Variants in ADPRHL1 observed in about 807,000 individuals in gnomAD.
ADPRHL1 encodes inactive ADP-ribosyltransferase ARH2.
Under a neutral mutation model 44.1 loss-of-function variants are expected in ADPRHL1, and 43 were observed. That is an observed-to-expected ratio of 0.98 (90% CI 0.76 to 1.26). The LOEUF is 1.26. Ranked by LOEUF, ADPRHL1 falls within the 50% of genes most tolerant of loss-of-function variation. The probability of loss-of-function intolerance (pLI) is 0.00; values close to 1 mark genes in which losing one functional copy is unlikely to be tolerated. For missense variants in ADPRHL1, 2,022 were observed against 2,496.9 expected (o/e 0.81, Z 4.05); for synonymous variants, 878 against 1,017.4 (o/e 0.86, Z 2.61).
At position 113,405,432 on chromosome 13, in the gene ADPRHL1, G is replaced by C. The variant is rs1282438455; in HGVS notation, c.3850C>G (p.Pro1284Ala). 5 of 1,231,864 alleles carry C rather than the reference G, an allele frequency of 4.1e-6. No individual in the cohort carries two copies. The highest frequency in any genetic ancestry group is 5.1e-6 in the Non-Finnish European group (5 of 988,188). 76.3% of individuals were successfully genotyped at this position (1,231,864 alleles called of 1,614,324 possible). ...TCAGGAGGCGACGGCGGGAGGCCAG[G>C]GCCATAGCTGGGGGACTCTGCCACG... ...RSVAESPSYG[P>A]GLPPSPPENP... Residue 1284 changes from proline (P) to alanine (A), a missense_variant, in exon 8 of 8, where the codon CCT (proline) becomes GCT (alanine). This residue lies in a region of ADPRHL1 where 1,221 missense variants were observed against 1,517.8 expected (regional missense o/e 0.80). Transcript: ENST00000612156.
In ADPRHL1 at chr13:113,453,251, T is replaced by C. The variant is rs1187485168; in HGVS notation, c.187A>G (p.Ile63Val). Residue 63 changes from isoleucine to valine, a missense_variant, in exon 1 of 8, where the codon ATC becomes GTC. By Grantham distance (29) the Ile-to-Val change is conservative. Around this residue, in one of 8 missense-constraint regions of ADPRHL1, gnomAD observed 437 missense variants for 430.7 expected, o/e 1.01. Transcript: ENST00000612156. The surrounding 1 kb of genome is among the most constrained non-coding windows in gnomAD (Gnocchi z 5.4). ...WPVSDNTIMH[I>V]ATAEALTTDY... ...GTGGTGAGGGCCTCGGCGGTTGCGA[T>C]GTGCATGATGGTGTTGTCACTCACG... 2.5e-6 allele frequency: 4 copies of C among 1,614,010 alleles called. No homozygotes were observed. The highest frequency in any genetic ancestry group is 1.3e-5 in the African/African-American group (1 of 74,932).
chr13:113,405,758 A>T lies in ADPRHL1; in HGVS notation c.3524T>A (p.Leu1175Gln). The change falls in exon 8 of 8, where the codon CTG becomes CAG. Residue 1175 changes from leucine (L) to glutamine (Q), a missense_variant. Leu to Gln is a moderately radical substitution (Grantham distance 113). Transcript: ENST00000612156. ...LPRDPHSHGL[L>Q]APGGSLEPKS... Reference sequence around the variant, plus strand: ...GGGCTCCAAGGATCCCCCAGGGGCCAGGAGGCCGTGGCTGTGAGGGTCTCG... The same window carrying T: ...GGGCTCCAAGGATCCCCCAGGGGCCTGGAGGCCGTGGCTGTGAGGGTCTCG... 8.1e-7 allele frequency: 1 copy of T among 1,231,810 alleles called. No individual in the cohort carries two copies. Among genetic ancestry groups the T allele is most frequent in the Non-Finnish European group, 1.0e-6 (1 of 988,034 alleles). 76.3% of individuals were successfully genotyped at this position (1,231,810 alleles called of 1,614,324 possible). A position where few individuals can be genotyped will look rare whatever the true frequency, so the allele number is the denominator to read the frequency against.
chr13:113,407,841 G>A lies in ADPRHL1; in HGVS notation c.1441C>T (p.Pro481Ser), dbSNP rs2043820815. The A allele has an allele frequency of 8.1e-7, 1 of 1,231,962 alleles. No homozygotes were observed. Among genetic ancestry groups the A allele is most frequent in the Non-Finnish European group, 1.0e-6 (1 of 987,986 alleles). The allele number at this position is 1,231,962 out of a possible 1,614,324, so 76.3% of individuals were successfully genotyped here. Residue 481 changes from proline to serine, a missense_variant, in exon 8 of 8, where the codon CCG becomes TCG. Pro to Ser is a moderately conservative substitution (Grantham distance 74, BLOSUM62 -1). This residue lies in a region of ADPRHL1 where 1,221 missense variants were observed against 1,517.8 expected (regional missense o/e 0.80). Transcript: ENST00000612156. ...INKLLEKTKE[P>S]APKPCLSEKP... Reference sequence around the variant, plus strand: ...TCGCTGAGGCAGGGCTTTGGGGCCGGCTCCTTGGTCTTCTCCAGGAGCTTG... The same window carrying A: ...TCGCTGAGGCAGGGCTTTGGGGCCGACTCCTTGGTCTTCTCCAGGAGCTTG...
intron 2 of ADPRHL1, among the ~76,000 whole-genome samples, chr13:113,434,375 C>T (rs2044031280): frequency 6.8e-6 from 1 of 147,800 alleles, no homozygotes; most frequent in Non-Finnish European, 1.5e-5. Flanking sequence ...ATAGGTGTAC[C>T]CTGGGACCCA....
chr13:113,448,960 G>T (rs1459093217), intron 1 of ADPRHL1: 27 of 985,602 alleles, frequency 2.7e-5, no homozygotes, highest in Non-Finnish European at 3.1e-5. Flanking sequence ...AGCTCTCTGT[G>T]CGAGGCCGCC....
chr13:113,407,817 C>A lies in ADPRHL1; in HGVS notation c.1465G>T (p.Glu489Ter). The A allele has an allele frequency of 8.1e-7, 1 of 1,231,962 alleles. No homozygotes were observed. The highest frequency in any genetic ancestry group is 1.0e-6 in the Non-Finnish European group (1 of 987,992). 76.3% of individuals were successfully genotyped at this position (1,231,962 alleles called of 1,614,324 possible). The change falls in exon 8 of 8, where the codon GAG (glutamate) becomes TAG (stop). Residue 489 changes from glutamate to a stop codon, truncating the protein, a stop_gained. Coordinates refer to ENST00000612156, the MANE Select transcript of ADPRHL1 (RefSeq NM_001394807.1). LOFTEE classifies it low-confidence loss of function (END_TRUNC). ...GCCGGGTGGCCCCAGCGGGGCTTCT[C>A]GCTGAGGCAGGGCTTTGGGGCCGGC... ...KEPAPKPCLS[E>*]KPRWGHPAGK... is the part of the protein sequence containing the mutation.
rs113852601 is a variant in ADPRHL1, at chr13:113,404,792, C to A, written c.4490G>T (p.Arg1497Leu). Residue 1497 changes from arginine (R) to leucine (L), a missense_variant, in exon 8 of 8, where the codon CGG becomes CTG. Physicochemically the swap from Arg to Leu is moderately radical, Grantham distance 102. Coordinates refer to ENST00000612156, the MANE Select transcript of ADPRHL1 (RefSeq NM_001394807.1). ...TTGAGCGTGTCCCTGAACCTGTCCC[C>A]GGTCCCATTCCTGAACCTGTTTCTG... Reference protein sequence around the residue: ...QAQKQVQEWDRGQVQGHAQEQ... With the variant: ...QAQKQVQEWDLGQVQGHAQEQ... 28 of 1,251,874 alleles carry A rather than the reference C, an allele frequency of 2.2e-5. No homozygotes were observed. The African/African-American group carries it at 2.9e-4, about 13-fold the overall frequency. 77.5% of individuals were successfully genotyped at this position (1,251,874 alleles called of 1,614,324 possible). A position where few individuals can be genotyped will look rare whatever the true frequency, so the allele number is the denominator to read the frequency against.
Position 113,409,207 on chromosome 13 carries a change from G to C in ADPRHL1, c.1062-987C>G. 4 of 743,218 alleles carry C rather than the reference G, an allele frequency of 5.4e-6. No homozygotes were observed. Among genetic ancestry groups the C allele is most frequent in the Non-Finnish European group, 6.6e-6 (4 of 608,758 alleles). 46.0% of individuals were successfully genotyped at this position (743,218 alleles called of 1,614,324 possible). A position where few individuals can be genotyped will look rare whatever the true frequency, so the allele number is the denominator to read the frequency against. On this transcript the variant is annotated intron_variant, in intron 7 of 7. Transcript: ENST00000612156. The surrounding 1 kb of genome is among the most constrained non-coding windows in gnomAD (Gnocchi z 4.2). ...TGATTTGATGGTGTTTTCTGAGCCTGGGTCCGGGGTAAGTTCTGCTCCTGA... is the reference window on the plus strand; with the variant it reads ...TGATTTGATGGTGTTTTCTGAGCCTCGGTCCGGGGTAAGTTCTGCTCCTGA...
intron 3 of ADPRHL1, 125 bp from the exon 4 acceptor site, chr13:113,429,217 C>G: frequency 1.5e-6 from 2 of 1,302,350 alleles, no homozygotes; most frequent in East Asian, 5.0e-5. Context: ...TTCCCATGTT[C>G]AGGTGCACAG....
chr13:113,405,706 G>T lies in ADPRHL1; in HGVS notation c.3576C>A (p.Leu1192=). The T allele has an allele frequency of 8.1e-7, 1 of 1,231,958 alleles. No homozygotes were observed. The highest frequency in any genetic ancestry group is 1.0e-6 in the Non-Finnish European group (1 of 988,120). The allele number at this position is 1,231,958 out of a possible 1,614,324, so 76.3% of individuals were successfully genotyped here. The part of the protein sequence containing the change: ...EPKSGAAGRS[L]LRGVALVQHP... Reference sequence around the variant, plus strand: ...GCTGGACGAGGGCCACGCCTCTCAGGAGGCTCCTCCCTGCTGCTCCACTCT... The same window carrying T: ...GCTGGACGAGGGCCACGCCTCTCAGTAGGCTCCTCCCTGCTGCTCCACTCT... The change falls in exon 8 of 8, where the codon CTC becomes CTA. Residue 1192 remains leucine, a synonymous_variant. Transcript: ENST00000612156.
At chr13:113,423,943 A>AG (rs1280352246) in intron 6 of ADPRHL1, among the ~76,000 whole-genome samples, 3 of 152,222 alleles carry the variant, frequency 2.0e-5, no homozygotes, top group Non-Finnish European at 4.4e-5. Context: ...CTCGTGGACC[A>AG]GGTGAGAGAC....
At chr13:113,450,958 C>G (rs942044887) in intron 1 of ADPRHL1, among the ~76,000 whole-genome samples, 9 of 151,560 alleles carry the variant, frequency 5.9e-5, no homozygotes, top group African/African-American at 2.0e-4. Flanking sequence ...GGAGACCCCC[C>G]CCCCCTTCCT....
At chr13:113,414,943 G>T (rs748677865) in intron 7 of ADPRHL1, among the ~76,000 whole-genome samples, 2 of 152,146 alleles carry the variant, frequency 1.3e-5, no homozygotes, top group African/African-American at 4.8e-5. Context: ...AAAGTGCTGG[G>T]ATTACAGGCA....
intron 3 of ADPRHL1, among the ~76,000 whole-genome samples, chr13:113,432,658 G>A (rs1167615059): frequency 2.0e-5 from 3 of 152,188 alleles, no homozygotes; most frequent in African/African-American, 4.8e-5. Flanking sequence ...TGCAGACTCA[G>A]TGGGGGTGGG....
chr13:113,424,148 C>G, intron 6 of ADPRHL1, 69 bp downstream of exon 6: 1 of 1,588,718 alleles, frequency 6.3e-7, no homozygotes, highest in South Asian at 1.2e-5. Context: ...TCCTAGGACA[C>G]TCCGAGGGGG....
In ADPRHL1 at chr13:113,403,298, T is replaced by C. The variant is rs745870449; in HGVS notation, c.*80A>G. On this transcript the variant is annotated 3_prime_UTR_variant, in exon 8 of 8. Coordinates refer to ENST00000612156, the MANE Select transcript of ADPRHL1 (RefSeq NM_001394807.1). The stretch of plus-strand genomic sequence containing the variant: ...CTGTAGGGGATGCTCCAAGACGCAT[T>C]TGGAGGCAGGAAAATGCCTGAAGTC... 1.6e-5 allele frequency: 19 copies of C among 1,165,224 alleles called. No individual in the cohort carries two copies. Among genetic ancestry groups the C allele is most frequent in the Non-Finnish European group, 1.9e-5 (18 of 927,652 alleles). 72.2% of individuals were successfully genotyped at this position (1,165,224 alleles called of 1,614,324 possible). A position where few individuals can be genotyped will look rare whatever the true frequency, so the allele number is the denominator to read the frequency against.
chr13:113,420,949 C>CT (rs1179587093), intron 7 of ADPRHL1, among the ~76,000 whole-genome samples: 1 of 34,580 alleles, frequency 2.9e-5, no homozygotes, highest in Non-Finnish European at 9.9e-5. Context: ...ACAACCCTAC[C>CT]CCCCCCGACA....
In ADPRHL1 at chr13:113,444,564, G is replaced by C; in HGVS notation, c.240C>G (p.Tyr80Ter). ...TTDYWCLDDLYREMVRCYVEI... is the reference protein window; with the variant it reads ...TTDYWCLDDL Reference sequence around the variant, plus strand: ...CCACATAGCATCTCACCATCTCCCGGTACAGATCATCCAGGCACCAGTAGT... The same window carrying C: ...CCACATAGCATCTCACCATCTCCCGCTACAGATCATCCAGGCACCAGTAGT... The change falls in exon 2 of 8, where the codon TAC becomes TAG. Residue 80 changes from tyrosine (Y) to a stop codon, truncating the protein, a stop_gained. Coordinates refer to ENST00000612156, the MANE Select transcript of ADPRHL1 (RefSeq NM_001394807.1). LOFTEE classifies it high-confidence loss of function. 6.2e-7 allele frequency: 1 copy of C among 1,614,116 alleles called. No homozygotes were observed. Among genetic ancestry groups the C allele is most frequent in the Non-Finnish European group, 8.5e-7 (1 of 1,180,020 alleles).
chr13:113,424,343 TGTAG>T lies in ADPRHL1; in HGVS notation c.777_780del (p.Tyr260GlyfsTer18). The stretch of plus-strand genomic sequence containing the variant: ...CCTCGACCTTCCGAGCTCCACTTCC[TGTAG>T]GTCTGACAAGAGAGCCGTGGGTCGG... On this transcript the variant is annotated frameshift_variant and splice_region_variant, in exon 6 of 8. Transcript: ENST00000612156. LOFTEE classifies it high-confidence loss of function. 3.1e-6 allele frequency: 5 copies of T among 1,612,778 alleles called. No homozygotes were observed. The highest frequency in any genetic ancestry group is 3.3e-4 in the Middle Eastern group (2 of 6,058).
Sources: allele counts gnomAD v4.1 joint callset (sites outside exome capture counted in the v4.1 genomes callset), GRCh38; gene constraint gnomAD v4.1.1; regional missense constraint gnomAD v4.1.1; non-coding constraint Gnocchi (gnomAD v3.1); transcripts MANE v1.5; gene names NCBI Gene and HGNC (gene_info 2026-07-23, HGNC 2026-07-21).